Variants in SRGAP3 observed in about 807,000 individuals in gnomAD.
SRGAP3 encodes the protein SLIT-ROBO Rho GTPase-activating protein 3.
SRGAP3 carries 39 observed loss-of-function variants against 121.1 expected under a neutral mutation model. That is an observed-to-expected ratio of 0.32 (90% CI 0.25 to 0.42). The LOEUF (loss-of-function observed/expected upper bound fraction) is 0.42, where lower values mean the gene tolerates loss of function less well. Among genes scored for constraint, SRGAP3 ranks in the 10% least tolerant of loss-of-function variants. The probability of loss-of-function intolerance (pLI) is 1.00; values close to 1 mark genes in which losing one functional copy is unlikely to be tolerated. For missense variants in SRGAP3, 1,213 were observed against 1,470.6 expected (o/e 0.82, Z 2.86); for synonymous variants, 601 against 570.0 (o/e 1.05, Z -0.77).
chr3:9,344,131 C>A (rs763225790), intron 1 of SRGAP3, among the ~76,000 whole-genome samples: 1 of 152,040 alleles, frequency 6.6e-6, no homozygotes, highest in African/African-American at 2.4e-5. Context: ...ACCAGCCTGG[C>A]CAACGTGGTG....
chr3:9,016,038 C>T (rs1053187579), intron 14 of SRGAP3: 4 of 412,710 alleles, frequency 9.7e-6, no homozygotes, highest in Non-Finnish European at 1.8e-5. Context: ...TGTTGCTCCA[C>T]TATTTGAGAT....
At position 9,015,603 on chromosome 3, in the gene SRGAP3, T is replaced by G; in HGVS notation, c.1807A>C (p.Thr603Pro). 1 of 1,614,172 alleles carries G rather than the reference T, an allele frequency of 6.2e-7. No homozygotes were observed. The stretch of plus-strand genomic sequence containing the variant: ...TCACCTGGGAAATACTTACTAATAG[T>G]AGATATCAAATCTTGAAACCTTTCC... ...PKERFQDLISTIKLENPAERV... is the reference protein window; with the variant it reads ...PKERFQDLISPIKLENPAERV... The change falls in exon 15 of 22, where the codon ACT becomes CCT. Residue 603 changes from threonine (T) to proline (P), a missense_variant. Around this residue, in one of 2 missense-constraint regions of SRGAP3, gnomAD observed 793 missense variants for 1,032.9 expected, o/e 0.77. Transcript: ENST00000383836.
chr3:9,123,732 A>G (rs13091118), intron 2 of SRGAP3, among the ~76,000 whole-genome samples: 34,273 of 138,950 alleles, frequency 0.25, 4,473 homozygotes, highest in Middle Eastern at 0.39. Flanking sequence ...ATATGTATAT[A>G]TGTGTGTGTG....
intron 3 of SRGAP3, among the ~76,000 whole-genome samples, chr3:9,278,368 T>C (rs1244264419): frequency 6.6e-6 from 1 of 152,168 alleles, no homozygotes; most frequent in Non-Finnish European, 1.5e-5. Context: ...GGAAGTGATG[T>C]AGGGAAATGG....
intron 4 of SRGAP3, among the ~76,000 whole-genome samples, chr3:9,074,778 C>A (rs1174656233): frequency 6.6e-6 from 1 of 152,222 alleles, no homozygotes; most frequent in Non-Finnish European, 1.5e-5. Context: ...AGCCCATACA[C>A]AATCAATCAA....
In SRGAP3 at chr3:9,291,397, A is replaced by C. The variant is rs548729488; in HGVS notation, n.442+34613T>G. On this transcript the variant is annotated intron_variant and non_coding_transcript_variant, in intron 3 of 3. Transcript: ENST00000490889. ...CACAACTGGCACAAAGTACCATGTG[A>C]GTCCCTTTGCTGTACAGGATTTCGT... is the stretch of plus-strand genomic sequence containing the variant. 2.6e-5 allele frequency among the ~76,000 whole-genome samples: 4 copies of C among 152,310 alleles called. No homozygotes were observed. The East Asian group carries it at 5.8e-4, about 22-fold the overall frequency.
chr3:9,348,572 G>C, intron 1 of SRGAP3: 1 of 814,630 alleles, frequency 1.2e-6, no homozygotes, highest in Non-Finnish European at 2.2e-6. Flanking sequence ...TGGCAGGCAG[G>C]TGCTGTGAGA....
chr3:9,013,777 C>T lies in SRGAP3; in HGVS notation c.1879G>A (p.Val627Ile), dbSNP rs1254733037. The part of the protein sequence containing the change: ...QQILVTLPRV[V>I]IVVMRYLFAF... Reference sequence around the variant, plus strand: ...AAGAGGTATCTCATGACCACAATGACCACGCGGGGAAGGGTGACGAGGATT... The same window carrying T: ...AAGAGGTATCTCATGACCACAATGATCACGCGGGGAAGGGTGACGAGGATT... The change falls in exon 16 of 22, where the codon GTC becomes ATC. Residue 627 changes from valine to isoleucine, a missense_variant. Coordinates refer to ENST00000383836, the MANE Select transcript of SRGAP3 (RefSeq NM_014850.4). 2 of 1,614,082 alleles carry T rather than the reference C, an allele frequency of 1.2e-6. No individual in the cohort carries two copies. Among genetic ancestry groups the T allele is most frequent in the African/African-American group, 1.3e-5 (1 of 74,926 alleles).
intron 18 of SRGAP3, among the ~76,000 whole-genome samples, chr3:9,006,426 G>A (rs1347550245): frequency 6.7e-5 from 10 of 150,322 alleles, no homozygotes; most frequent in Admixed American, 6.6e-4. Context: ...AAAAGAAAAG[G>A]AGTGGCTATG....
rs73813248 is a variant in SRGAP3, at chr3:9,008,976, G to A, written c.2227+1332C>T. On this transcript the variant is annotated intron_variant, in intron 18 of 21. Transcript: ENST00000383836. ...ACCACTGCACCGGAAGATCCTACAC[G>A]AGAATGAAACCAGCACAGAGGGAAG... is the stretch of plus-strand genomic sequence containing the variant. Among the ~76,000 whole-genome samples, 549 of 152,318 alleles carry A rather than the reference G, an allele frequency of 3.6e-3. 5 individuals are homozygous for A. The highest frequency in any genetic ancestry group is 0.013 in the African/African-American group (535 of 41,566).
chr3:9,057,006 C>T (rs552154131), intron 7 of SRGAP3, among the ~76,000 whole-genome samples: 21 of 152,320 alleles, frequency 1.4e-4, no homozygotes, highest in Admixed American at 5.2e-4. Context: ...CTCAGTCTCC[C>T]GAGTAGCTGG....
chr3:9,208,620 C>G (rs899203876), intron 1 of SRGAP3, among the ~76,000 whole-genome samples: 15 of 152,192 alleles, frequency 9.9e-5, no homozygotes, highest in African/African-American at 3.6e-4. Context: ...ATACATGTAC[C>G]TTGCTGGGGA....
intron 11 of SRGAP3, 31 bp from the exon 12 acceptor site, chr3:9,032,783 A>C: frequency 1.3e-6 from 2 of 1,586,378 alleles, no homozygotes; most frequent in Non-Finnish European, 1.7e-6. Context: ...AGAAATCAAG[A>C]AAGCAACCAA....
chr3:9,055,689 A>G (rs1195205142), intron 8 of SRGAP3, among the ~76,000 whole-genome samples: 6 of 152,266 alleles, frequency 3.9e-5, no homozygotes, highest in Admixed American at 3.3e-4. Flanking sequence ...ATGATAAAAC[A>G]GAAATTCATT....
intron 3 of SRGAP3, among the ~76,000 whole-genome samples, chr3:9,269,831 T>C (rs1267592402): frequency 6.6e-6 from 1 of 150,826 alleles, no homozygotes; most frequent in African/African-American, 2.5e-5. Flanking sequence ...TCTAATAAGG[T>C]GTCATATGAA....
At chr3:9,080,939 A>T (rs1325458474) in intron 3 of SRGAP3, among the ~76,000 whole-genome samples, 1 of 152,192 alleles carries the variant, frequency 6.6e-6, no homozygotes, top group Non-Finnish European at 1.5e-5. Flanking sequence ...ACAATGCAAT[A>T]ATACAGAAAT....
intron 3 of SRGAP3, among the ~76,000 whole-genome samples, chr3:9,261,147 C>T (rs1415794782): frequency 6.6e-6 from 1 of 152,170 alleles, no homozygotes; most frequent in Admixed American, 6.5e-5. Flanking sequence ...AAAGCAATAG[C>T]ATCAACATCA....
chr3:9,131,262 G>A lies in SRGAP3; in HGVS notation c.68-6345C>T, dbSNP rs1027269116. 1.5e-4 allele frequency among the ~76,000 whole-genome samples: 23 copies of A among 152,032 alleles called. 1 individual carries two copies. The highest frequency in any genetic ancestry group is 7.9e-4 in the Admixed American group (12 of 15,268). On this transcript the variant is annotated intron_variant, in intron 1 of 21. Transcript: ENST00000383836. ...GGGACAGTTCCAGCCATAACACAGA[G>A]CTGAGTGGCAGAAAAATTAAAAGGG...
chr3:9,235,434 A>T (rs957720800), intron 1 of SRGAP3: 2 of 152,006 alleles, frequency 1.3e-5, no homozygotes, highest in Non-Finnish European at 2.9e-5. Context: ...AAATTCACAC[A>T]AAGAGTAGCA....
Sources: gnomAD v4.1 joint callset for allele counts (sites outside exome capture counted in the v4.1 genomes callset) on GRCh38, gnomAD v4.1.1 for gene constraint, gnomAD v4.1.1 regional missense constraint, MANE v1.5 for transcripts, NCBI Gene and HGNC (gene_info 2026-07-23, HGNC 2026-07-21) for gene names.